The following PPP1R16A variants were observed in gnomAD, a reference collection of about 807,000 sequenced individuals.
The protein encoded by PPP1R16A is protein phosphatase 1 regulatory subunit 16A, also known as myosin phosphatase-targeting subunit 3.
PPP1R16A carries 39 observed loss-of-function variants against 46.6 expected under a neutral mutation model. That is an observed-to-expected ratio of 0.84 (90% confidence interval 0.65 to 1.09). The LOEUF is 1.09. PPP1R16A is among the 50% of genes least tolerant of loss of function. The pLI, the probability that PPP1R16A is intolerant of heterozygous loss-of-function variation, is 0.00. For synonymous variants in PPP1R16A, 413 were observed against 321.5 expected, an observed-to-expected ratio of 1.28 and a Z score of -3.04; for missense variants, 798 against 735.6, an observed-to-expected ratio of 1.08 and a Z score of -0.98.
At position 144,501,557 on chromosome 8, in the gene PPP1R16A, G is replaced by T. The variant is rs762567550; in HGVS notation, c.1241G>T (p.Arg414Leu). The change falls in exon 12 of 12, where the codon CGA becomes CTA. Residue 414 changes from arginine to leucine, a missense_variant. By Grantham distance (102) the Arg-to-Leu change is moderately radical. Coordinates refer to ENST00000435887, the MANE Select transcript of PPP1R16A (RefSeq NM_001329443.2). ...GAAGTGGTCAGGCCGCACAATGGCC[G>T]AGTAGGGGGCTCCCCAGTGCGGCAT... Reference protein sequence around the residue: ...NPEVVRPHNGRVGGSPVRHLY... With the variant: ...NPEVVRPHNGLVGGSPVRHLY... 5.0e-6 allele frequency: 8 copies of T among 1,588,178 alleles called. No individual in the cohort carries two copies. In the Admixed American group the frequency reaches 1.2e-4, roughly 24 times the overall value.
chr8:144,501,348 TG>T, intron 11 of PPP1R16A, 54 bp downstream of exon 11: 1 of 1,522,536 alleles, frequency 6.6e-7, no homozygotes, highest in Middle Eastern at 1.8e-4. Flanking sequence ...GGCTCTGCCC[TG>T]GTTCTCTCTC....
In PPP1R16A at chr8:144,493,781, G is replaced by A. The variant is rs1825915212; in HGVS notation, c.-734-2680G>A. Reference sequence around the variant, plus strand: ...TTAGAGGAGGCAGTTGGACCCTCGAGCAGGACAGGAACCTGCCCAGAGTCC... The same window carrying A: ...TTAGAGGAGGCAGTTGGACCCTCGAACAGGACAGGAACCTGCCCAGAGTCC... On this transcript the variant is annotated intron_variant, in intron 2 of 11. Coordinates refer to ENST00000435887, the MANE Select transcript of PPP1R16A (RefSeq NM_001329443.2). This position sits in a 1 kb window ranked among gnomAD's most constrained non-coding sequence, Gnocchi z 4.3. 6.6e-6 allele frequency among the ~76,000 whole-genome samples: 1 copy of A among 152,148 alleles called. No individual in the cohort carries two copies. Among genetic ancestry groups the A allele is most frequent in the African/African-American group, 2.4e-5 (1 of 41,456 alleles).
At chr8:144,488,022 C>G (rs958033626) in intron 1 of PPP1R16A, among the ~76,000 whole-genome samples, 1 of 152,228 alleles carries the variant, frequency 6.6e-6, no homozygotes, top group Non-Finnish European at 1.5e-5. Flanking sequence ...CTCTGTACAT[C>G]TTTTGTTAGG....
chr8:144,498,323 C>T (rs1285410572), intron 3 of PPP1R16A: 5 of 349,788 alleles, frequency 1.4e-5, no homozygotes, highest in South Asian at 6.4e-5. Context: ...GGAGTGAGAG[C>T]AGGGATGTGC....
In PPP1R16A at chr8:144,501,398, C is replaced by T. The variant is rs1288849028; in HGVS notation, c.1203+104C>T. ...TCCTGCCTGTGTCAGGAATGGTGCC[C>T]TGCAGGGGCCAGCTTTTGCCCCATC... On this transcript the variant is annotated intron_variant, in intron 11 of 11. Coordinates refer to ENST00000435887, the MANE Select transcript of PPP1R16A (RefSeq NM_001329443.2). 4.0e-6 allele frequency: 6 copies of T among 1,483,484 alleles called. 1 individual carries two copies. In the Admixed American group the frequency reaches 1.1e-4, roughly 27 times the overall value. The allele number at this position is 1,483,484 out of a possible 1,614,324, so 91.9% of individuals were successfully genotyped here. A position where few individuals can be genotyped will look rare whatever the true frequency, so the allele number is the denominator to read the frequency against.
rs754011368 is a variant in PPP1R16A, at chr8:144,500,894, G to A, written c.960G>A (p.Lys320=). ...VRAKLLELKH[K]HDALLRAQSR... The stretch of plus-strand genomic sequence containing the variant: ...CCAAGCTGCTGGAGCTGAAGCACAA[G>A]CACGACGCCCTCCTGCGCGCCCAGA... The change falls in exon 10 of 12, where the codon AAG becomes AAA. Residue 320 remains lysine, a synonymous_variant. Transcript: ENST00000435887. 43 of 1,547,316 alleles carry A rather than the reference G, an allele frequency of 2.8e-5. No homozygotes were observed. In the East Asian group the frequency reaches 7.4e-4, roughly 27 times the overall value.
In PPP1R16A at chr8:144,497,370, C is replaced by T. The variant is rs1469558603; in HGVS notation, c.176C>T (p.Ala59Val). 6.2e-7 allele frequency: 1 copy of T among 1,612,978 alleles called. No homozygotes were observed. The change falls in exon 3 of 12, where the codon GCC (alanine) becomes GTC (valine). Residue 59 changes from alanine (A) to valine (V), a missense_variant. Transcript: ENST00000435887. ...GGGGAGCGTCCCCGGAAGGAGGCAG[C>T]CAGCCAAGGGCTCCTGAAGCAGGTC... ...GPGERPRKEAASQGLLKQVLF... is the reference protein window; with the variant it reads ...GPGERPRKEAVSQGLLKQVLF...
chr8:144,500,037 A>C, intron 5 of PPP1R16A, 59 bp from the exon 6 acceptor site: 1 of 1,533,574 alleles, frequency 6.5e-7, no homozygotes, highest in Non-Finnish European at 8.8e-7. Context: ...TCTCCAAGTG[A>C]GGAGCCTGGC....
At chr8:144,497,503 G>T in intron 3 of PPP1R16A, 50 bp downstream of exon 3, 1 of 1,607,562 alleles carries the variant, frequency 6.2e-7, no homozygotes. Context: ...CCCACTCCCT[G>T]CTACCTGGGT....
chr8:144,501,085 G>A lies in PPP1R16A; in HGVS notation c.1038-44G>A, dbSNP rs142958733. ...TCCGAGGGGGTGGGCGGGGTCCTCCGGGCACTCCCCTTCCCCTCACTCCCT... is the reference window on the plus strand; with the variant it reads ...TCCGAGGGGGTGGGCGGGGTCCTCCAGGCACTCCCCTTCCCCTCACTCCCT... On this transcript the variant is annotated intron_variant, in intron 10 of 11. Transcript: ENST00000435887. 5.0e-6 allele frequency: 8 copies of A among 1,592,256 alleles called. 1 individual carries two copies. In the East Asian group the frequency reaches 1.8e-4, roughly 37 times the overall value.
intron 5 of PPP1R16A, chr8:144,499,359 A>G: frequency 2.3e-6 from 1 of 432,880 alleles, no homozygotes; most frequent in South Asian, 4.2e-5. Context: ...GGAGGGCAGA[A>G]CTGCTAAGGA....
chr8:144,488,054 T>C (rs1379143189), intron 1 of PPP1R16A, among the ~76,000 whole-genome samples: 1 of 152,262 alleles, frequency 6.6e-6, no homozygotes, highest in African/African-American at 2.4e-5. Context: ...GCATTGAGGC[T>C]TTTGGGTGCT....
rs2130372509 is a variant in PPP1R16A, at chr8:144,493,164, G to A, written c.-735+2952G>A. 6.6e-6 allele frequency among the ~76,000 whole-genome samples: 1 copy of A among 152,252 alleles called. No homozygotes were observed. Among genetic ancestry groups the A allele is most frequent in the South Asian group, 2.1e-4 (1 of 4,822 alleles). On this transcript the variant is annotated intron_variant, in intron 2 of 11. Transcript: ENST00000435887. The surrounding 1 kb of genome is among the most constrained non-coding windows in gnomAD (Gnocchi z 4.3). ...GGTATGTAGGCAGTGAGGGGACGGT[G>A]GGTGGGGGTCGGGGACAGTGCCCAG...
At chr8:144,485,123 G>A (rs1318440990) in intron 1 of PPP1R16A, among the ~76,000 whole-genome samples, 5 of 149,310 alleles carry the variant, frequency 3.3e-5, no homozygotes, top group Admixed American at 6.7e-5. Context: ...TGGGACCAGA[G>A]AGGAGGCTCC....
intron 1 of PPP1R16A, among the ~76,000 whole-genome samples, chr8:144,485,403 A>C (rs1825597576): frequency 6.6e-6 from 1 of 151,672 alleles, no homozygotes; most frequent in East Asian, 1.9e-4. Flanking sequence ...ACACACCTGT[A>C]ATCCCAGCTA....
chr8:144,498,034 CT>C (rs1037093681), intron 3 of PPP1R16A: 5 of 456,216 alleles, frequency 1.1e-5, no homozygotes, highest in African/African-American at 8.0e-5. Flanking sequence ...GCTCTGGAGT[CT>C]TGGGGGAAGA....
chr8:144,500,971 G>A lies in PPP1R16A; in HGVS notation c.1037G>A (p.Gly346Glu). The A allele has an allele frequency of 1.4e-6, 2 of 1,457,346 alleles. No individual in the cohort carries two copies. Among genetic ancestry groups the A allele is most frequent in the East Asian group, 2.8e-5 (1 of 35,192 alleles). The allele number at this position is 1,457,346 out of a possible 1,614,324, so 90.3% of individuals were successfully genotyped here. ...RRRTSSAGSR[G>E]KVVRRVSLTQ... The stretch of plus-strand genomic sequence containing the variant: ...CGCACCTCCAGCGCCGGCAGCCGCG[G>A]GTGAGCGCCGCCCCCAGCAGGCCCC... The change falls in exon 10 of 12, where the codon GGG becomes GAG. Residue 346 changes from glycine to glutamate, a missense_variant and splice_region_variant. Gly to Glu is a moderately conservative substitution (Grantham distance 98, BLOSUM62 -2). Coordinates refer to ENST00000435887, the MANE Select transcript of PPP1R16A (RefSeq NM_001329443.2).
intron 2 of PPP1R16A, among the ~76,000 whole-genome samples, chr8:144,490,432 G>A (rs1479442200): frequency 6.6e-6 from 1 of 152,176 alleles, no homozygotes; most frequent in African/African-American, 2.4e-5. Context: ...CTTGAACCTG[G>A]GAGGTGGAGG....
intron 2 of PPP1R16A, among the ~76,000 whole-genome samples, chr8:144,491,064 A>C (rs1391991045): frequency 6.6e-6 from 1 of 152,166 alleles, no homozygotes; most frequent in Non-Finnish European, 1.5e-5. Flanking sequence ...CCTCAGAAGC[A>C]AACAAAACAG....
Sources: allele counts gnomAD v4.1 joint callset (sites outside exome capture counted in the v4.1 genomes callset), GRCh38; gene constraint gnomAD v4.1.1; non-coding constraint Gnocchi (gnomAD v3.1); transcripts MANE v1.5; gene names NCBI Gene and HGNC (gene_info 2026-07-23, HGNC 2026-07-21).